ZNF385D: variants seen among roughly 807,000 people sequenced by gnomAD.
The protein encoded by ZNF385D is zinc finger protein 385D, also known as zinc finger protein 659.
In ZNF385D, 15 loss-of-function variants were observed where a neutral mutation model predicts 35.8. The ratio of observed to expected loss-of-function variants is 0.42; its 90% confidence interval spans 0.28 to 0.64. The LOEUF is 0.64. ZNF385D is among the 30% of genes least tolerant of loss of function. ZNF385D has a pLI of 0.23. For missense variants in ZNF385D, 474 were observed against 494.6 expected (o/e 0.96, Z 0.39); for synonymous variants, 212 against 186.8 (o/e 1.13, Z -1.10).
intron 3 of ZNF385D, among the ~76,000 whole-genome samples, chr3:21,960,903 G>A (rs1389615784): frequency 5.3e-5 from 8 of 152,058 alleles, no homozygotes; most frequent in Non-Finnish European, 7.4e-5. Context: ...GAGTAGAATC[G>A]TGGGTATTAG....
At chr3:21,556,888 A>AT (rs1376199223) in intron 3 of ZNF385D, among the ~76,000 whole-genome samples, 3 of 152,164 alleles carry the variant, frequency 2.0e-5, no homozygotes, top group Admixed American at 2.0e-4. Context: ...GGTCCTTCAC[A>AT]TCCCATGTAA....
At chr3:22,291,938 T>G (rs1018625223) in intron 2 of ZNF385D, among the ~76,000 whole-genome samples, 1 of 152,030 alleles carries the variant, frequency 6.6e-6, no homozygotes, top group Non-Finnish European at 1.5e-5. Flanking sequence ...TATTTTGGTA[T>G]CATAATCATG....
At chr3:21,832,549 C>T (rs540287762) in intron 3 of ZNF385D, among the ~76,000 whole-genome samples, 16 of 152,292 alleles carry the variant, frequency 1.1e-4, no homozygotes, top group African/African-American at 3.4e-4. Context: ...TTTCTAGGAA[C>T]ATCTCCCAAA....
At chr3:21,526,030 G>A (rs758335796) in intron 3 of ZNF385D, among the ~76,000 whole-genome samples, 8 of 151,858 alleles carry the variant, frequency 5.3e-5, no homozygotes, top group Non-Finnish European at 8.8e-5. Context: ...TTCTGTTACT[G>A]GTAAGTAATT....
intron 3 of ZNF385D, among the ~76,000 whole-genome samples, chr3:21,531,182 A>C (rs1028322596): frequency 3.9e-5 from 6 of 152,212 alleles, no homozygotes; most frequent in Admixed American, 6.5e-5. Flanking sequence ...CTTTTTTAAA[A>C]AAAGGCAAAT....
In ZNF385D at chr3:21,813,749, G is replaced by A. The variant is rs1321099660; in HGVS notation, c.326-148721C>T. Among the ~76,000 whole-genome samples the A allele has an allele frequency of 5.9e-5, 9 of 152,306 alleles. No individual in the cohort carries two copies. In the East Asian group the frequency reaches 1.7e-3, roughly 29 times the overall value. Reference sequence around the variant, plus strand: ...GATTGGTGTACCTGACAGTGACGGGGAGAATGGAACCAAGTTGGAAAACAG... The same window carrying A: ...GATTGGTGTACCTGACAGTGACGGGAAGAATGGAACCAAGTTGGAAAACAG... On this transcript the variant is annotated intron_variant, in intron 3 of 5. Coordinates refer to the ZNF385D transcript ENST00000494108.
At chr3:21,668,405 C>T (rs1256135525) in intron 1 of ZNF385D, among the ~76,000 whole-genome samples, 1 of 152,142 alleles carries the variant, frequency 6.6e-6, no homozygotes, top group African/African-American at 2.4e-5. Flanking sequence ...ACATCACAGT[C>T]CAGCTCCTTC....
At chr3:21,996,692 T>C (rs1695487925) in intron 3 of ZNF385D, among the ~76,000 whole-genome samples, 1 of 152,212 alleles carries the variant, frequency 6.6e-6, no homozygotes, top group African/African-American at 2.4e-5. Context: ...TCACTTCTCA[T>C]TCAAAAGTAT....
At chr3:22,351,110 C>T (rs1429897165) in intron 2 of ZNF385D, among the ~76,000 whole-genome samples, 1 of 152,022 alleles carries the variant, frequency 6.6e-6, no homozygotes, top group Non-Finnish European at 1.5e-5. Flanking sequence ...CTACAATTAT[C>T]TCAAAATAAA....
chr3:22,188,069 T>C (rs749774230), intron 2 of ZNF385D, among the ~76,000 whole-genome samples: 1 of 152,064 alleles, frequency 6.6e-6, no homozygotes, highest in Non-Finnish European at 1.5e-5. Flanking sequence ...AGAAATGGAG[T>C]GTACACAGGA....
intron 3 of ZNF385D, among the ~76,000 whole-genome samples, chr3:21,798,025 G>T (rs1469144028): frequency 2.6e-5 from 4 of 152,102 alleles, no homozygotes; most frequent in African/African-American, 4.8e-5. Context: ...TGTAAACTAT[G>T]GACACTGGCA....
chr3:22,358,190 T>C (rs1696243738), intron 2 of ZNF385D, among the ~76,000 whole-genome samples: 1 of 151,886 alleles, frequency 6.6e-6, no homozygotes. Flanking sequence ...TCACTTGTAA[T>C]AACTGAAAAA....
intron 2 of ZNF385D, among the ~76,000 whole-genome samples, chr3:21,590,831 A>G (rs779271766): frequency 6.6e-6 from 1 of 152,146 alleles, no homozygotes; most frequent in Non-Finnish European, 1.5e-5. Context: ...AAAGTAAATT[A>G]AAATATTAAA....
At chr3:21,872,372 A>G (rs1487613483) in intron 3 of ZNF385D, among the ~76,000 whole-genome samples, 1 of 152,196 alleles carries the variant, frequency 6.6e-6, no homozygotes, top group Admixed American at 6.6e-5. Context: ...TTATTCTTAT[A>G]TTCCTAGCAC....
chr3:22,167,416 C>G (rs1191067746), intron 3 of ZNF385D, among the ~76,000 whole-genome samples: 2 of 152,188 alleles, frequency 1.3e-5, no homozygotes, highest in Admixed American at 6.5e-5. Context: ...GAGGACCACC[C>G]ACGCATCCCC....
chr3:21,981,117 C>T (rs997078293), intron 3 of ZNF385D, among the ~76,000 whole-genome samples: 1 of 152,016 alleles, frequency 6.6e-6, no homozygotes, highest in African/African-American at 2.4e-5. Flanking sequence ...GATAGTTGTA[C>T]TTTTAGCTCA....
At chr3:22,232,118 A>G (rs2125299441) in intron 2 of ZNF385D, among the ~76,000 whole-genome samples, 1 of 152,314 alleles carries the variant, frequency 6.6e-6, no homozygotes, top group Non-Finnish European at 1.5e-5. Context: ...TAGCAATGCA[A>G]GAATGGATAC....
Position 22,199,538 on chromosome 3 carries a change from AT to A in ZNF385D, c.107-30504del, listed in dbSNP as rs1219234321. Among the ~76,000 whole-genome samples, 3 of 152,152 alleles carry A rather than the reference AT, an allele frequency of 2.0e-5. No individual in the cohort carries two copies. In the East Asian group the frequency reaches 5.8e-4, roughly 29 times the overall value. On this transcript the variant is annotated intron_variant, in intron 2 of 5. Coordinates refer to the ZNF385D transcript ENST00000494108. ...TTGGCTTTCTGACTTCAAGTTTAAT[AT>A]TACTGAAAAAGTCTGTAATGTACAC...
intron 2 of ZNF385D, among the ~76,000 whole-genome samples, chr3:22,278,125 T>C (rs1477257695): frequency 6.6e-6 from 1 of 152,116 alleles, no homozygotes; most frequent in African/African-American, 2.4e-5. Context: ...GAACAGAACA[T>C]GTTTTATTCA....
Sources: gnomAD v4.1 joint callset for allele counts (sites outside exome capture counted in the v4.1 genomes callset) on GRCh38, gnomAD v4.1.1 for gene constraint, MANE v1.5 for transcripts, NCBI Gene and HGNC (gene_info 2026-07-23, HGNC 2026-07-21) for gene names.